Variants in DAB1 observed in about 807,000 individuals in gnomAD.
DAB1 encodes disabled homolog 1.
Under a neutral mutation model 64.6 loss-of-function variants are expected in DAB1, and 15 were observed. The observed-to-expected ratio is 0.23, with a 90% CI of 0.16 to 0.36. The LOEUF (loss-of-function observed/expected upper bound fraction) is 0.36, where lower values mean the gene tolerates loss of function less well. DAB1 is among the 10% of genes least tolerant of loss of function. DAB1 has a pLI of 1.00. For synonymous variants in DAB1, 235 were observed against 251.9 expected (o/e 0.93, Z 0.64); for missense variants, 596 against 706.7 (o/e 0.84, Z 1.78).
intron 2 of DAB1, among the ~76,000 whole-genome samples, chr1:57,212,942 T>C (rs1168621488): frequency 6.6e-6 from 1 of 152,170 alleles, no homozygotes; most frequent in East Asian, 1.9e-4. Context: ...GGCCTGAGAA[T>C]CTAGCCAGTG....
intron 5 of DAB1, among the ~76,000 whole-genome samples, chr1:57,965,458 T>A (rs1271282488): frequency 5.3e-5 from 8 of 152,138 alleles, no homozygotes; most frequent in Non-Finnish European, 1.5e-5. Flanking sequence ...ATCGAGTTGA[T>A]AGGATCTGTG....
chr1:57,546,069 G>GTA (rs1644852892), intron 7 of DAB1, among the ~76,000 whole-genome samples: 1 of 70,540 alleles, frequency 1.4e-5, no homozygotes, highest in Non-Finnish European at 2.8e-5. Flanking sequence ...AGAGGGGAGT[G>GTA]TGTGTGTGTG....
rs760603167 is a variant in DAB1 at position 58,414,037 on chromosome 1, T to C, written n.258-70634A>G. ...GCATAGTACTGAATACTATAGGCAA[T>C]TGTAATACAGTGGTAAGTATTTCAG... On this transcript the variant is annotated intron_variant and non_coding_transcript_variant, in intron 3 of 20. Coordinates refer to the DAB1 transcript ENST00000485760. 2.4e-4 allele frequency among the ~76,000 whole-genome samples: 37 copies of C among 152,314 alleles called. 1 individual carries two copies. In the Middle Eastern group the frequency reaches 0.017, roughly 70 times the overall value.
At chr1:57,900,450 T>C (rs1011905664) in intron 5 of DAB1, among the ~76,000 whole-genome samples, 30 of 152,298 alleles carry the variant, frequency 2.0e-4, no homozygotes, top group African/African-American at 7.0e-4. Flanking sequence ...AATACCCTGT[T>C]CTAGGATGCC....
intron 2 of DAB1, among the ~76,000 whole-genome samples, chr1:57,156,590 A>C (rs1341124596): frequency 6.6e-6 from 1 of 152,234 alleles, no homozygotes; most frequent in Non-Finnish European, 1.5e-5. Flanking sequence ...GAGGCATCTA[A>C]GGGGTTATTA....
chr1:57,136,470 G>T, intron 4 of DAB1, 73 bp downstream of exon 4: 1 of 797,038 alleles, frequency 1.3e-6, no homozygotes, highest in Non-Finnish European at 1.9e-6. Context: ...TTCCTGCCCA[G>T]AGAGTAGAGG....
At chr1:57,588,838 T>C (rs184465316) in intron 7 of DAB1, among the ~76,000 whole-genome samples, 1 of 152,252 alleles carries the variant, frequency 6.6e-6, no homozygotes, top group Admixed American at 6.5e-5. Context: ...AGGATAAATA[T>C]TAAATAAAGG....
At chr1:57,936,024 C>T (rs1645019764) in intron 5 of DAB1, among the ~76,000 whole-genome samples, 1 of 152,226 alleles carries the variant, frequency 6.6e-6, no homozygotes, top group Non-Finnish European at 1.5e-5. Flanking sequence ...GGGACTGTCA[C>T]TTGATCATCC....
chr1:57,015,151 G>T lies in DAB1; in HGVS notation c.1176C>A (p.Gly392=). The change falls in exon 12 of 15, where the codon GGC becomes GGA. Residue 392 remains glycine, a synonymous_variant. Transcript: ENST00000371236. ...GPLTPLATVP[G]TSDSTRSSPQ... is the part of the protein sequence containing the mutation. ...GACTTGACCTGGTGGAGTCACTCGT[G>T]CCTGGGACGGTGGCAAGGGGGGTGA... 1 of 1,614,178 alleles carries T rather than the reference G, an allele frequency of 6.2e-7. No homozygotes were observed. The highest frequency in any genetic ancestry group is 8.5e-7 in the Non-Finnish European group (1 of 1,180,022).
intron 5 of DAB1, among the ~76,000 whole-genome samples, chr1:58,077,431 G>C (rs986469217): frequency 6.6e-6 from 1 of 152,192 alleles, no homozygotes; most frequent in Admixed American, 6.5e-5. Flanking sequence ...AGATGAGGAG[G>C]AAAGAGGAAA....
At chr1:58,190,836 A>T (rs1657350349) in intron 4 of DAB1, among the ~76,000 whole-genome samples, 1 of 152,244 alleles carries the variant, frequency 6.6e-6, no homozygotes, top group Non-Finnish European at 1.5e-5. Flanking sequence ...TCACTTACTG[A>T]GCAAGTTGAC....
intron 1 of DAB1, among the ~76,000 whole-genome samples, chr1:57,413,008 G>C (rs1040793907): frequency 1.3e-5 from 2 of 152,186 alleles, no homozygotes; most frequent in African/African-American, 2.4e-5. Flanking sequence ...TCTATCGTTA[G>C]GGGTGAATGC....
chr1:58,268,778 C>T (rs952849325), intron 4 of DAB1, among the ~76,000 whole-genome samples: 2 of 151,972 alleles, frequency 1.3e-5, no homozygotes, highest in Non-Finnish European at 2.9e-5. Context: ...AAAATTTTTA[C>T]GAAATCTTAA....
intron 3 of DAB1, among the ~76,000 whole-genome samples, chr1:58,346,798 A>C (rs1249005276): frequency 6.6e-6 from 1 of 152,256 alleles, no homozygotes; most frequent in Non-Finnish European, 1.5e-5. Context: ...ACCTGCTAGA[A>C]GGAAACGATG....
intron 5 of DAB1, among the ~76,000 whole-genome samples, chr1:57,991,866 A>AAAC (rs1646346998): frequency 6.6e-6 from 1 of 150,818 alleles, no homozygotes; most frequent in African/African-American, 2.4e-5. Context: ...AAAAAAAAAA[A>AAAC]AAAGGAGTAG....
At chr1:58,519,906 A>G (rs1646234781) in intron 2 of DAB1, among the ~76,000 whole-genome samples, 1 of 152,252 alleles carries the variant, frequency 6.6e-6, no homozygotes, top group African/African-American at 2.4e-5. Flanking sequence ...ATACGAATTT[A>G]ATGTAGAACA....
At chr1:57,015,748 G>C (rs745355720) in intron 11 of DAB1, among the ~76,000 whole-genome samples, 2 of 152,168 alleles carry the variant, frequency 1.3e-5, no homozygotes, top group African/African-American at 2.4e-5. Context: ...CAGGGACAGG[G>C]CAGAAGGATG....
intron 1 of DAB1, among the ~76,000 whole-genome samples, chr1:57,375,878 C>T (rs17423834): frequency 0.026 from 3,960 of 152,244 alleles, 73 homozygotes; most frequent in African/African-American, 0.043. Flanking sequence ...CTTCATTCAA[C>T]GAATATTTTG....
intron 1 of DAB1, among the ~76,000 whole-genome samples, chr1:57,840,367 T>C (rs1263403548): frequency 1.3e-5 from 2 of 152,154 alleles, no homozygotes; most frequent in African/African-American, 4.8e-5. Context: ...ACAGAGTGTA[T>C]TCCAGACTGT....
Sources: allele counts gnomAD v4.1 joint callset (sites outside exome capture counted in the v4.1 genomes callset), GRCh38; gene constraint gnomAD v4.1.1; transcripts MANE v1.5; gene names NCBI Gene and HGNC (gene_info 2026-07-23, HGNC 2026-07-21).